PRKAR1A: variants seen among roughly 807,000 people sequenced by gnomAD.
PRKAR1A encodes the protein protein kinase cAMP-dependent type I regulatory subunit alpha, also known as cAMP-dependent protein kinase type I-alpha regulatory subunit.
A neutral mutation model predicts 52.0 loss-of-function variants in PRKAR1A; 3 were observed. The observed-to-expected ratio is 0.06, with a 90% CI of 0.03 to 0.15. The LOEUF (loss-of-function observed/expected upper bound fraction) is 0.15. PRKAR1A is among the 10% of genes least tolerant of loss of function. The probability of loss-of-function intolerance (pLI) is 1.00; values close to 1 mark genes in which losing one functional copy is unlikely to be tolerated. For missense variants in PRKAR1A, 240 were observed against 477.4 expected (o/e 0.50, Z 4.63); for synonymous variants, 188 against 168.4 (o/e 1.12, Z -0.90).
intron 11 of PRKAR1A, chr17:68,541,690 A>G: frequency 3.1e-6 from 1 of 323,520 alleles, no homozygotes; most frequent in Non-Finnish European, 5.8e-6. Context: ...TGATCTGGCT[A>G]CATGTCTGTT....
the PRKAR1A span, among the ~76,000 whole-genome samples, chr17:68,435,266 C>T: frequency 6.6e-6 from 1 of 151,688 alleles, no homozygotes; most frequent in Non-Finnish European, 1.5e-5. Context: ...CAGAAGACAT[C>T]AATTTCTCTA....
chr17:68,519,666 A>G (rs2085542805), intron 2 of PRKAR1A, among the ~76,000 whole-genome samples: 3 of 152,078 alleles, frequency 2.0e-5, no homozygotes, highest in Non-Finnish European at 4.4e-5. Context: ...CAACTACTCC[A>G]TAAGAAATGT....
At chr17:68,420,218 G>A in the PRKAR1A span, 7 of 1,614,086 alleles carry the variant, frequency 4.3e-6, no homozygotes, top group South Asian at 1.1e-5. Flanking sequence ...TGGGAGCACG[G>A]GGCCTGAGCT....
the PRKAR1A span, among the ~76,000 whole-genome samples, chr17:68,438,008 T>C: frequency 6.9e-6 from 1 of 145,938 alleles, no homozygotes; most frequent in Non-Finnish European, 1.5e-5. Context: ...GTATATTAAG[T>C]GGGTTTCTTC....
the PRKAR1A span, among the ~76,000 whole-genome samples, chr17:68,434,161 T>TC: frequency 1.3e-5 from 2 of 152,166 alleles, no homozygotes; most frequent in Non-Finnish European, 2.9e-5. Context: ...CTTGGAATCT[T>TC]CCAGTTGCTC....
chr17:68,539,466 C>T (rs1044385002), intron 11 of PRKAR1A: 12 of 1,383,398 alleles, frequency 8.7e-6, no homozygotes, highest in Admixed American at 8.4e-5. Context: ...CTTCCTCTCT[C>T]CTCTCAGCAT....
intron 2 of PRKAR1A, among the ~76,000 whole-genome samples, chr17:68,522,004 A>G (rs915281697): frequency 6.6e-6 from 1 of 152,260 alleles, no homozygotes; most frequent in Non-Finnish European, 1.5e-5. Flanking sequence ...AGTAGTTTTT[A>G]AAAGCAAGTA....
chr17:68,528,788 G>A, intron 8 of PRKAR1A, 82 bp from the exon 9 acceptor site: 2 of 1,564,084 alleles, frequency 1.3e-6, no homozygotes, highest in Non-Finnish European at 1.8e-6. Flanking sequence ...TGGCTATTTG[G>A]TTGAATCTCT....
chr17:68,503,530 C>T, the PRKAR1A span, among the ~76,000 whole-genome samples: 12 of 152,076 alleles, frequency 7.9e-5, no homozygotes, highest in Admixed American at 5.9e-4. Context: ...GCTATCCAGT[C>T]ACAAAAAGAC....
intron 7 of PRKAR1A, among the ~76,000 whole-genome samples, chr17:68,527,251 T>C (rs1384786321): frequency 6.6e-6 from 1 of 152,138 alleles, no homozygotes; most frequent in Admixed American, 6.6e-5. Flanking sequence ...TCTATATAGC[T>C]GGGTAGGGGA....
chr17:68,520,561 TTCA>T (rs1248264439), intron 2 of PRKAR1A, among the ~76,000 whole-genome samples: 1 of 152,208 alleles, frequency 6.6e-6, no homozygotes, highest in African/African-American at 2.4e-5. Context: ...ATTTAGGTTA[TTCA>T]TCACCTCACT....
intron 2 of PRKAR1A, among the ~76,000 whole-genome samples, chr17:68,520,870 C>G (rs2085582380): frequency 6.6e-6 from 1 of 152,174 alleles, no homozygotes. Context: ...TGTGAAATGT[C>G]AGTGACAAAT....
rs762494404 is a variant in PRKAR1A, at chr17:68,530,240, TA to T, written c.974-36del. 6.2e-6 allele frequency: 10 copies of T among 1,610,500 alleles called. No individual in the cohort carries two copies. In the South Asian group the frequency reaches 7.7e-5, roughly 12 times the overall value. The stretch of plus-strand genomic sequence containing the variant: ...CACTGCTTTAAGGAAATGTTTTTCA[TA>T]GAAGTTAGCCTGTTACCCATCTTTG... On this transcript the variant is annotated intron_variant, in intron 10 of 10. Transcript: ENST00000589228.
At chr17:68,452,302 C>G in the PRKAR1A span, among the ~76,000 whole-genome samples, 1 of 152,156 alleles carries the variant, frequency 6.6e-6, no homozygotes, top group Non-Finnish European at 1.5e-5. Flanking sequence ...AGGTGGCTCA[C>G]GCCTGTAATC....
the PRKAR1A span, chr17:68,435,812 C>A: frequency 9.3e-7 from 1 of 1,075,346 alleles, no homozygotes; most frequent in Non-Finnish European, 1.4e-6. Context: ...CCTCCTTTGT[C>A]CAGCTCCCTG....
the PRKAR1A span, among the ~76,000 whole-genome samples, chr17:68,465,648 T>TTTTTTTTTTTTC: frequency 7.0e-6 from 1 of 143,262 alleles, no homozygotes. Context: ...TTTTTTTTTT[T>TTTTTTTTTTTTC]TGTAGAGACG....
the PRKAR1A span, chr17:68,424,593 C>T: frequency 8.3e-6 from 4 of 481,720 alleles, no homozygotes; most frequent in East Asian, 5.6e-5. Context: ...ACACTACTTC[C>T]GGCCGGGTGC....
chr17:68,472,094 G>A, the PRKAR1A span, among the ~76,000 whole-genome samples: 9 of 152,290 alleles, frequency 5.9e-5, no homozygotes, highest in South Asian at 2.1e-4. Context: ...CTGAGCCACC[G>A]CGCCCAGCCT....
chr17:68,460,032 G>A, the PRKAR1A span, among the ~76,000 whole-genome samples: 4 of 152,024 alleles, frequency 2.6e-5, no homozygotes, highest in Non-Finnish European at 5.9e-5. Flanking sequence ...TGTTGGTCAG[G>A]CTGGTCTCAC....
Sources: allele counts gnomAD v4.1 joint callset (sites outside exome capture counted in the v4.1 genomes callset), GRCh38; gene constraint gnomAD v4.1.1; transcripts MANE v1.5; gene names NCBI Gene and HGNC (gene_info 2026-07-23, HGNC 2026-07-21).